SAMD3: variants seen among roughly 807,000 people sequenced by gnomAD.
SAMD3 encodes the protein sterile alpha motif domain containing 3, also known as sterile alpha motif domain-containing protein 3.
In SAMD3, 63 loss-of-function variants were observed where a neutral mutation model predicts 58.5. That is an observed-to-expected ratio of 1.08 (90% CI 0.88 to 1.33). The LOEUF is 1.33. SAMD3 is among the 40% of genes most tolerant of loss of function. The probability of loss-of-function intolerance (pLI) is 0.00; values close to 1 mark genes in which losing one functional copy is unlikely to be tolerated. For missense variants in SAMD3, 604 were observed against 608.4 expected (o/e 0.99, Z 0.08); for synonymous variants, 220 against 210.3 (o/e 1.05, Z -0.40).
At chr6:130,332,419 G>C (rs925295509) in intron 1 of SAMD3, among the ~76,000 whole-genome samples, 24 of 152,304 alleles carry the variant, frequency 1.6e-4, no homozygotes, top group African/African-American at 5.8e-4. Flanking sequence ...GGTAAAGTCA[G>C]AGAAAGTGTC....
chr6:130,357,374 T>G (rs927841579), intron 1 of SAMD3, among the ~76,000 whole-genome samples: 8 of 152,084 alleles, frequency 5.3e-5, no homozygotes, highest in Non-Finnish European at 1.2e-4. Flanking sequence ...TCTGCCCGCC[T>G]CGGCCTCCCA....
chr6:130,332,257 C>T (rs966172438), intron 1 of SAMD3, among the ~76,000 whole-genome samples: 8 of 151,986 alleles, frequency 5.3e-5, no homozygotes, highest in Non-Finnish European at 8.8e-5. Flanking sequence ...GGTGGTGCTA[C>T]TTATGGAGAA....
chr6:130,277,200 T>C (rs1774805752), intron 2 of SAMD3, among the ~76,000 whole-genome samples: 2 of 152,238 alleles, frequency 1.3e-5, no homozygotes, highest in African/African-American at 2.4e-5. Flanking sequence ...TCTACCATAA[T>C]CCTTATCTTG....
intron 5 of SAMD3, among the ~76,000 whole-genome samples, chr6:130,197,164 G>A (rs1463029551): frequency 6.6e-6 from 1 of 152,192 alleles, no homozygotes. Flanking sequence ...ACAAGGTACA[G>A]CCCATTTGAG....
rs185768870 is a variant in SAMD3 at position 130,213,035 on chromosome 6, C to T, written c.269+1302G>A. ...AAGCAGCTCTTGCCTGTAATCCCAG[C>T]GCTTTAGGAGGCTGAGGTGGGAGGA... is the stretch of plus-strand genomic sequence containing the variant. On this transcript the variant is annotated intron_variant, in intron 4 of 11. Transcript: ENST00000439090. 3.9e-4 allele frequency among the ~76,000 whole-genome samples: 60 copies of T among 152,260 alleles called. 1 individual carries two copies. The highest frequency in any genetic ancestry group is 1.3e-3 in the African/African-American group (55 of 41,554).
chr6:130,303,775 C>A (rs1349966313), intron 2 of SAMD3, among the ~76,000 whole-genome samples: 1 of 152,182 alleles, frequency 6.6e-6, no homozygotes, highest in Non-Finnish European at 1.5e-5. Flanking sequence ...CACCTATATG[C>A]ACTTTATTGG....
chr6:130,288,667 T>A (rs888427702), intron 2 of SAMD3, among the ~76,000 whole-genome samples: 1 of 152,202 alleles, frequency 6.6e-6, no homozygotes, highest in Non-Finnish European at 1.5e-5. Context: ...TTTAGGTAAC[T>A]CCAAATCTAT....
rs73777849 is a variant in SAMD3 at position 130,203,800 on chromosome 6, C to T, written c.383+5695G>A. Among the ~76,000 whole-genome samples the T allele has an allele frequency of 8.0e-3, 1,215 of 152,282 alleles. 17 individuals carry two copies. The highest frequency in any genetic ancestry group is 0.028 in the African/African-American group (1,167 of 41,534). ...AGGAGTAGGAATTGAGAAGACAAAT[C>T]ACACATCTAACTGGAACCTGCATTA... is the stretch of plus-strand genomic sequence containing the variant. On this transcript the variant is annotated intron_variant, in intron 5 of 11. Coordinates refer to ENST00000439090, the MANE Select transcript of SAMD3 (RefSeq NM_001017373.4).
intron 2 of SAMD3, among the ~76,000 whole-genome samples, chr6:130,294,058 C>A (rs560208142): frequency 4.6e-4 from 70 of 152,260 alleles, no homozygotes; most frequent in African/African-American, 1.7e-3. Context: ...AGAGATTTCA[C>A]CCCCAAGACA....
At chr6:130,193,248 G>A (rs1014229066) in intron 5 of SAMD3, among the ~76,000 whole-genome samples, 3 of 149,918 alleles carry the variant, frequency 2.0e-5, no homozygotes, top group African/African-American at 4.9e-5. Flanking sequence ...TTTCTGGGGG[G>A]CAAGAAACCC....
Position 130,306,885 on chromosome 6 carries a change from C to T in SAMD3, c.-188+6093G>A, listed in dbSNP as rs1239530309. 2.6e-5 allele frequency among the ~76,000 whole-genome samples: 4 copies of T among 152,088 alleles called. No individual in the cohort carries two copies. In the East Asian group the frequency reaches 7.7e-4, roughly 29 times the overall value. ...ATAAACCATCTCATCCTGGTGTTTT[C>T]TTTCTATAATGATATTTTAAGCTAC... On this transcript the variant is annotated intron_variant, in intron 2 of 13. Coordinates refer to the SAMD3 transcript ENST00000368134.
At chr6:130,258,127 T>C (rs1191774428) in intron 2 of SAMD3, among the ~76,000 whole-genome samples, 1 of 152,204 alleles carries the variant, frequency 6.6e-6, no homozygotes, top group East Asian at 1.9e-4. Context: ...TTTTGACTAT[T>C]ATCAATAAGC....
At chr6:130,155,133 A>T (rs893880061) in intron 8 of SAMD3, 108 bp from the exon 9 acceptor site, 4 of 733,830 alleles carry the variant, frequency 5.5e-6, no homozygotes, top group Non-Finnish European at 9.2e-6. Context: ...GTATCACCAT[A>T]CCTGGTTACA....
Position 130,348,061 on chromosome 6 carries a change from A to T in SAMD3, c.-304+17059T>A, listed in dbSNP as rs918578461. ...TTGTCACCACCAGGCCTGCCTTACA[A>T]GAGCTCCTGAAGGAAGCACTAAACA... On this transcript the variant is annotated intron_variant, in intron 1 of 13. Transcript: ENST00000368134. 6.6e-5 allele frequency among the ~76,000 whole-genome samples: 10 copies of T among 152,356 alleles called. No homozygotes were observed. The East Asian group carries it at 1.9e-3, about 29-fold the overall frequency.
intron 2 of SAMD3, among the ~76,000 whole-genome samples, chr6:130,266,386 G>A (rs964526368): frequency 1.3e-5 from 2 of 152,138 alleles, no homozygotes; most frequent in African/African-American, 4.8e-5. Context: ...CCCAGTTCCT[G>A]ATGAATTCCC....
At chr6:130,348,404 C>CA (rs1279915302) in intron 1 of SAMD3, among the ~76,000 whole-genome samples, 1 of 151,446 alleles carries the variant, frequency 6.6e-6, no homozygotes, top group African/African-American at 2.4e-5. Flanking sequence ...AAATGGAAAA[C>CA]AAAAAAAGGC....
intron 2 of SAMD3, among the ~76,000 whole-genome samples, chr6:130,309,391 G>A (rs1776063090): frequency 1.3e-5 from 2 of 152,208 alleles, no homozygotes; most frequent in African/African-American, 4.8e-5. Context: ...TTTGTGGGAA[G>A]CAGATCAGAT....
At chr6:130,189,126 A>C (rs1398964720) in intron 5 of SAMD3, among the ~76,000 whole-genome samples, 2 of 151,986 alleles carry the variant, frequency 1.3e-5, no homozygotes, top group Admixed American at 6.6e-5. Context: ...AAACCAAAAA[A>C]CAAAAACTAG....
rs1030590867 is a variant in SAMD3, at chr6:130,254,190, A to G, written c.-187-31377T>C. On this transcript the variant is annotated intron_variant, in intron 2 of 13. Transcript: ENST00000368134. Reference sequence around the variant, plus strand: ...TGTATTTTTATTTATTTATTTATTTATTTTATTATTATTATTTTCTGAGAC... The same window carrying G: ...TGTATTTTTATTTATTTATTTATTTGTTTTATTATTATTATTTTCTGAGAC... Among the ~76,000 whole-genome samples, 7 of 126,862 alleles carry G rather than the reference A, an allele frequency of 5.5e-5. No individual in the cohort carries two copies. In the Admixed American group the frequency reaches 5.7e-4, roughly 10 times the overall value. 83.2% of individuals were successfully genotyped at this position (126,862 alleles called of 152,430 possible). A position where few individuals can be genotyped will look rare whatever the true frequency, so the allele number is the denominator to read the frequency against.
Sources: gnomAD v4.1 joint callset for allele counts (sites outside exome capture counted in the v4.1 genomes callset) on GRCh38, gnomAD v4.1.1 for gene constraint, MANE v1.5 for transcripts, NCBI Gene and HGNC (gene_info 2026-07-23, HGNC 2026-07-21) for gene names.